The following PPP1R2 variants were observed in gnomAD, a reference collection of about 807,000 sequenced individuals.
PPP1R2 encodes the protein protein phosphatase inhibitor 2.
A neutral mutation model predicts 29.9 loss-of-function variants in PPP1R2; 16 were observed. The ratio of observed to expected loss-of-function variants is 0.53; its 90% CI spans 0.36 to 0.81. The LOEUF is 0.81. PPP1R2 is among the 30% of genes least tolerant of loss of function. The probability of loss-of-function intolerance (pLI) is 0.00; values close to 1 mark genes in which losing one functional copy is unlikely to be tolerated. For missense variants in PPP1R2, 197 were observed against 252.7 expected (o/e 0.78, Z 1.49); for synonymous variants, 76 against 91.5 (o/e 0.83, Z 0.96).
At chr3:195,535,912 CCTT>C (rs1267457585) in intron 1 of PPP1R2, among the ~76,000 whole-genome samples, 4 of 152,148 alleles carry the variant, frequency 2.6e-5, no homozygotes, top group African/African-American at 9.7e-5. Flanking sequence ...GCCTGCCTCT[CCTT>C]CTATCGCCTT....
chr3:195,532,219 T>TTC (rs1491131606), intron 1 of PPP1R2, among the ~76,000 whole-genome samples: 15 of 145,970 alleles, frequency 1.0e-4, no homozygotes, highest in Admixed American at 4.1e-4. Context: ...CTTTTTCTTT[T>TTC]TTTTTTTTTT....
At chr3:195,526,542 G>C (rs1441594406) in intron 2 of PPP1R2, among the ~76,000 whole-genome samples, 1 of 152,184 alleles carries the variant, frequency 6.6e-6, no homozygotes, top group East Asian at 1.9e-4. Flanking sequence ...CTGGTTATTT[G>C]AATGGCAAAT....
intron 1 of PPP1R2, among the ~76,000 whole-genome samples, chr3:195,536,395 T>C (rs1027751733): frequency 5.3e-5 from 8 of 152,106 alleles, no homozygotes; most frequent in Admixed American, 2.6e-4. Flanking sequence ...TTTAAATTTA[T>C]ACTTAATATG....
intron 1 of PPP1R2, among the ~76,000 whole-genome samples, chr3:195,532,632 CTT>C (rs1306881708): frequency 6.6e-6 from 1 of 152,126 alleles, no homozygotes; most frequent in Admixed American, 6.6e-5. Context: ...AAAATCTTCT[CTT>C]GGACTCTATT....
chr3:195,530,941 G>A (rs1456469714), intron 1 of PPP1R2, among the ~76,000 whole-genome samples: 1 of 152,020 alleles, frequency 6.6e-6, no homozygotes, highest in Non-Finnish European at 1.5e-5. Context: ...TCCTGCCTCA[G>A]CCTCCTGAGT....
At chr3:195,521,598 A>G (rs146261592) in intron 4 of PPP1R2, among the ~76,000 whole-genome samples, 1 of 151,790 alleles carries the variant, frequency 6.6e-6, no homozygotes, top group Non-Finnish European at 1.5e-5. Context: ...TTGTTCTATT[A>G]TTTTCTCAGT....
chr3:195,530,967 T>G (rs1719157965), intron 1 of PPP1R2, among the ~76,000 whole-genome samples: 1 of 151,648 alleles, frequency 6.6e-6, no homozygotes, highest in Non-Finnish European at 1.5e-5. Context: ...GGATTAAAGG[T>G]GTCTGCCACC....
intron 3 of PPP1R2, among the ~76,000 whole-genome samples, chr3:195,524,104 T>G (rs991251705): frequency 6.7e-6 from 1 of 149,698 alleles, no homozygotes. Flanking sequence ...AAAAAAAGAA[T>G]AAAAAGAGTA....
At chr3:195,523,865 T>C in intron 3 of PPP1R2, 79 bp from the exon 4 acceptor site, 1 of 1,157,800 alleles carries the variant, frequency 8.6e-7, no homozygotes, top group Non-Finnish European at 1.3e-6. Context: ...TGTTGATTCT[T>C]ACAAAAACAT....
chr3:195,542,807 G>C, intron 1 of PPP1R2, 97 bp downstream of exon 1: 1 of 1,395,432 alleles, frequency 7.2e-7, no homozygotes, highest in Non-Finnish European at 9.5e-7. Context: ...AGCGGCACCC[G>C]AGCCGCATCC....
At chr3:195,525,123 C>G (rs1718916666) in intron 2 of PPP1R2, among the ~76,000 whole-genome samples, 2 of 152,066 alleles carry the variant, frequency 1.3e-5, no homozygotes, top group Non-Finnish European at 2.9e-5. Context: ...CACATAAATA[C>G]AGTCTGCCTG....
chr3:195,539,910 T>C (rs1328797129), intron 1 of PPP1R2, among the ~76,000 whole-genome samples: 2 of 152,210 alleles, frequency 1.3e-5, no homozygotes, highest in African/African-American at 2.4e-5. Context: ...AGTACATCCA[T>C]ATATGAATTA....
chr3:195,541,420 C>T (rs1315707687), intron 1 of PPP1R2, among the ~76,000 whole-genome samples: 1 of 148,924 alleles, frequency 6.7e-6, no homozygotes, highest in East Asian at 2.0e-4. Context: ...TCTGTAGTTA[C>T]GTTACTTATC....
At position 195,528,700 on chromosome 3, in the gene PPP1R2, C is replaced by CAATTTTTT. The variant is rs1553886222; in HGVS notation, c.230+1093_230+1094insAAAAAATT. On this transcript the variant is annotated intron_variant, in intron 2 of 5. Transcript: ENST00000618156. ...TCAATACAAGGTAGGTAGGGCATAA[C>CAATTTTTT]TATTTTTTTTTTTTTTTTTTTTTTT... 44 of 76,626 alleles carry CAATTTTTT rather than the reference C, an allele frequency of 5.7e-4. 1 individual carries two copies. Among genetic ancestry groups the CAATTTTTT allele is most frequent in the Non-Finnish European group, 7.8e-4 (33 of 42,542 alleles). The allele number at this position is 76,626 out of a possible 1,614,324, so 4.7% of individuals were successfully genotyped here. A position where few individuals can be genotyped will look rare whatever the true frequency, so the allele number is the denominator to read the frequency against.
At chr3:195,518,168 A>T (rs2108936415) in intron 5 of PPP1R2, among the ~76,000 whole-genome samples, 1 of 152,316 alleles carries the variant, frequency 6.6e-6, no homozygotes. Flanking sequence ...ATAAAAAATA[A>T]ATAAAACCTA....
chr3:195,529,997 T>C, intron 1 of PPP1R2, 96 bp from the exon 2 acceptor site: 1 of 839,178 alleles, frequency 1.2e-6, no homozygotes, highest in Non-Finnish European at 1.9e-6. Flanking sequence ...TTTCAACTTC[T>C]ATTTGATGGC....
At chr3:195,538,213 C>T (rs979716443) in intron 1 of PPP1R2, among the ~76,000 whole-genome samples, 4 of 152,196 alleles carry the variant, frequency 2.6e-5, no homozygotes, top group African/African-American at 9.7e-5. Context: ...AAAACGTCAC[C>T]GCTTCTCACT....
At position 195,541,322 on chromosome 3, in the gene PPP1R2, AACTC is replaced by A. The variant is rs368964367; in HGVS notation, c.122+1578_122+1581del. Among the ~76,000 whole-genome samples the A allele has an allele frequency of 1.0e-3, 155 of 152,298 alleles. 1 individual carries two copies. The highest frequency in any genetic ancestry group is 3.6e-3 in the African/African-American group (149 of 41,560). ...CTCACTTGGTAAATGGACCAAAAGA[AACTC>A]ACACTGGAGAACAGCTAAATAACAT... On this transcript the variant is annotated intron_variant, in intron 1 of 5. Coordinates refer to ENST00000618156, the MANE Select transcript of PPP1R2 (RefSeq NM_006241.8).
chr3:195,530,670 C>T (rs1420279654), intron 1 of PPP1R2, among the ~76,000 whole-genome samples: 7 of 151,626 alleles, frequency 4.6e-5, no homozygotes, highest in South Asian at 2.1e-4. Flanking sequence ...GGATGACAGG[C>T]GCGCACCACC....
Sources: gnomAD v4.1 joint callset for allele counts (sites outside exome capture counted in the v4.1 genomes callset) on GRCh38, gnomAD v4.1.1 for gene constraint, MANE v1.5 for transcripts, NCBI Gene and HGNC (gene_info 2026-07-23, HGNC 2026-07-21) for gene names.